Variants in DAB1 observed in about 807,000 individuals in gnomAD.
DAB1 encodes the protein disabled homolog 1.
DAB1 carries 15 observed loss-of-function variants against 64.6 expected under a neutral mutation model. That is an observed-to-expected ratio of 0.23 (90% CI 0.16 to 0.36). DAB1 has a LOEUF of 0.36. Among genes scored for constraint, DAB1 ranks in the 10% least tolerant of loss-of-function variants. The pLI is 1.00. For synonymous variants in DAB1, 235 were observed against 251.9 expected, an observed-to-expected ratio of 0.93 and a Z score of 0.64; for missense variants, 596 against 706.7, an observed-to-expected ratio of 0.84 and a Z score of 1.78.
chr1:57,163,588 T>G (rs1338419453), intron 2 of DAB1, among the ~76,000 whole-genome samples: 1 of 151,982 alleles, frequency 6.6e-6, no homozygotes, highest in Non-Finnish European at 1.5e-5. Context: ...CGGTACCTTA[T>G]GCAGGGGCAT....
At chr1:58,327,995 G>T (rs1315024062) in intron 4 of DAB1, among the ~76,000 whole-genome samples, 1 of 152,148 alleles carries the variant, frequency 6.6e-6, no homozygotes, top group Non-Finnish European at 1.5e-5. Flanking sequence ...CCATAGGCCT[G>T]TCCCCTGGCT....
Position 57,265,457 on chromosome 1 carries a change from A to G in DAB1, c.67+25507T>C, listed in dbSNP as rs377070871. Among the ~76,000 whole-genome samples the G allele has an allele frequency of 6.1e-4, 93 of 152,320 alleles. 1 individual carries two copies. In the South Asian group the frequency reaches 0.017, roughly 27 times the overall value. On this transcript the variant is annotated intron_variant, in intron 2 of 14. Coordinates refer to ENST00000371236, the MANE Select transcript of DAB1 (RefSeq NM_001365792.1). The stretch of plus-strand genomic sequence containing the variant: ...TCCCTGTTCTTTTAGGAAGTAATTT[A>G]AGATAGCAGGTATTTTTATATTCAT...
At position 58,064,616 on chromosome 1, in the gene DAB1, G is replaced by A. The variant is rs147077181; in HGVS notation, n.387+85895C>T. Reference sequence around the variant, plus strand: ...GCCTGGCACTGCAGGGGACTCCAAGGCTGAGGCCACAGACTTGCATTCCAG... The same window carrying A: ...GCCTGGCACTGCAGGGGACTCCAAGACTGAGGCCACAGACTTGCATTCCAG... On this transcript the variant is annotated intron_variant and non_coding_transcript_variant, in intron 5 of 20. Coordinates refer to the DAB1 transcript ENST00000485760. Among the ~76,000 whole-genome samples the A allele has an allele frequency of 1.7e-4, 26 of 152,322 alleles. No homozygotes were observed. The East Asian group carries it at 4.1e-3, about 24-fold the overall frequency.
At chr1:57,391,812 C>CACACACACAG (rs1553176656) in intron 1 of DAB1, among the ~76,000 whole-genome samples, 60 of 141,686 alleles carry the variant, frequency 4.2e-4, no homozygotes, top group African/African-American at 1.1e-4. Context: ...CACACACACA[C>CACACACACAG]AGAGAGAGGA....
intron 7 of DAB1, among the ~76,000 whole-genome samples, chr1:57,604,684 C>G (rs1258249298): frequency 6.6e-6 from 1 of 152,208 alleles, no homozygotes; most frequent in Non-Finnish European, 1.5e-5. Flanking sequence ...CAGGTGTTCA[C>G]TTGAAGCCGC....
At chr1:58,235,936 G>A (rs940661155) in intron 4 of DAB1, among the ~76,000 whole-genome samples, 1 of 152,164 alleles carries the variant, frequency 6.6e-6, no homozygotes, top group African/African-American at 2.4e-5. Context: ...CCAAAATAAG[G>A]GAAAGCTGCT....
At chr1:58,531,734 G>A (rs1355879118) in intron 1 of DAB1, among the ~76,000 whole-genome samples, 1 of 151,078 alleles carries the variant, frequency 6.6e-6, no homozygotes, top group Non-Finnish European at 1.5e-5. Flanking sequence ...TTTTGAGACA[G>A]AGTCTTGCCC....
chr1:58,227,373 T>C (rs1301520354), intron 4 of DAB1, among the ~76,000 whole-genome samples: 1 of 152,158 alleles, frequency 6.6e-6, no homozygotes, highest in Non-Finnish European at 1.5e-5. Flanking sequence ...GGAGGAAATT[T>C]GGTTGAGCGA....
chr1:58,490,223 T>A (rs1451187837), intron 3 of DAB1, among the ~76,000 whole-genome samples: 1 of 152,102 alleles, frequency 6.6e-6, no homozygotes, highest in African/African-American at 2.4e-5. Context: ...CTAACTAGAA[T>A]AACCAATGCA....
chr1:57,231,352 CT>C (rs1242406785), intron 2 of DAB1, among the ~76,000 whole-genome samples: 1 of 152,286 alleles, frequency 6.6e-6, no homozygotes, highest in East Asian at 1.9e-4. Context: ...TATAACTATA[CT>C]GTATTGTTAC....
intron 14 of DAB1, among the ~76,000 whole-genome samples, chr1:57,001,263 C>G (rs934228005): frequency 2.0e-5 from 3 of 152,172 alleles, no homozygotes; most frequent in African/African-American, 7.2e-5. Flanking sequence ...AATGGAATCG[C>G]ACATTAACAT....
At chr1:57,769,785 T>C (rs1395004451) in intron 6 of DAB1, among the ~76,000 whole-genome samples, 1 of 152,174 alleles carries the variant, frequency 6.6e-6, no homozygotes, top group Admixed American at 6.5e-5. Flanking sequence ...TTGGGGTGTT[T>C]TAGAACGGCC....
intron 6 of DAB1, among the ~76,000 whole-genome samples, chr1:57,666,334 A>C (rs1476322217): frequency 6.6e-6 from 1 of 152,192 alleles, no homozygotes; most frequent in Non-Finnish European, 1.5e-5. Flanking sequence ...AATACAATTC[A>C]TTAATGTTCT....
chr1:57,481,740 C>A (rs1489887083), intron 7 of DAB1, among the ~76,000 whole-genome samples: 1 of 151,610 alleles, frequency 6.6e-6, no homozygotes, highest in Non-Finnish European at 1.5e-5. Flanking sequence ...TTGCTGGAAC[C>A]CAGAAGGCAG....
intron 2 of DAB1, among the ~76,000 whole-genome samples, chr1:57,281,022 C>T (rs1425007962): frequency 6.6e-6 from 1 of 152,156 alleles, no homozygotes; most frequent in Non-Finnish European, 1.5e-5. Flanking sequence ...TGCTGTGAGA[C>T]TCCTTAGAAT....
intron 7 of DAB1, among the ~76,000 whole-genome samples, chr1:57,569,287 C>T (rs111551771): frequency 0.011 from 1,587 of 141,324 alleles, 43 homozygotes; most frequent in African/African-American, 0.04. Context: ...CACATGCACA[C>T]GTATGTTTAT....
At chr1:57,781,262 T>TA (rs1260857953) in intron 6 of DAB1, among the ~76,000 whole-genome samples, 1 of 150,740 alleles carries the variant, frequency 6.6e-6, no homozygotes, top group African/African-American at 2.4e-5. Context: ...ATCACATAGA[T>TA]ACAAACTTTC....
chr1:57,840,552 A>C (rs1427621754), intron 1 of DAB1, among the ~76,000 whole-genome samples: 1 of 151,288 alleles, frequency 6.6e-6, no homozygotes, highest in East Asian at 2.0e-4. Context: ...GTAATTTATG[A>C]AAAAAAAAGA....
intron 4 of DAB1, among the ~76,000 whole-genome samples, chr1:58,322,076 T>C (rs1662697875): frequency 6.6e-6 from 1 of 152,148 alleles, no homozygotes; most frequent in Admixed American, 6.5e-5. Context: ...TTACACCTTA[T>C]ACAAAATTTA....
Sources: gnomAD v4.1 joint callset for allele counts (sites outside exome capture counted in the v4.1 genomes callset) on GRCh38, gnomAD v4.1.1 for gene constraint, MANE v1.5 for transcripts, NCBI Gene and HGNC (gene_info 2026-07-23, HGNC 2026-07-21) for gene names.